ERVMER34-1: variants seen among roughly 807,000 people sequenced by gnomAD.
The protein encoded by ERVMER34-1 is endogenous retroviral envelope protein HEMO.
For synonymous variants in ERVMER34-1, 199 were observed against 111.7 expected (o/e 1.78, Z -4.93); for missense variants, 471 against 295.1 (o/e 1.60, Z -4.37).
Position 52,744,687 on chromosome 4 carries a change from G to A in ERVMER34-1, c.834C>T (p.Thr278=), listed in dbSNP as rs1560436488. The change falls in exon 3 of 3, where the codon ACC becomes ACT. Residue 278 remains threonine, a synonymous_variant. Coordinates refer to ENST00000443173, the MANE Select transcript of ERVMER34-1 (RefSeq NM_001242690.2). The part of the protein sequence containing the change: ...TNDKGHDGHR[T]PTWWLTGSNL... ...TGGAACCTGTGAGCCACCAGGTGGG[G>A]GTCCGGTGTCCATCATGACCTTTGT... 5.7e-6 allele frequency: 4 copies of A among 704,112 alleles called. No homozygotes were observed. The highest frequency in any genetic ancestry group is 3.0e-5 in the South Asian group (2 of 67,596). The allele number at this position is 704,112 out of a possible 1,614,324, so 43.6% of individuals were successfully genotyped here. A position where few individuals can be genotyped will look rare whatever the true frequency, so the allele number is the denominator to read the frequency against.
rs1716071617 is a variant in ERVMER34-1, at chr4:52,743,840, T to C, written c.1681A>G (p.Ser561Gly). 1.3e-6 allele frequency: 2 copies of C among 1,491,720 alleles called. No homozygotes were observed. The highest frequency in any genetic ancestry group is 2.8e-5 in the African/African-American group (2 of 70,982). The allele number at this position is 1,491,720 out of a possible 1,614,324, so 92.4% of individuals were successfully genotyped here. ...TTGTTCAGATATTCTCAAAGTAGACTTGTGTCATATTGATGGGTTGTTAGT... is the reference window on the plus strand; with the variant it reads ...TTGTTCAGATATTCTCAAAGTAGACCTGTGTCATATTGATGGGTTGTTAGT... ...KGLTTHQYDT[S>G]LL The change falls in exon 3 of 3, where the codon AGT becomes GGT. Residue 561 changes from serine to glycine, a missense_variant. Coordinates refer to ENST00000443173, the MANE Select transcript of ERVMER34-1 (RefSeq NM_001242690.2).
Position 52,745,525 on chromosome 4 carries a change from G to A in ERVMER34-1, c.-5C>T, listed in dbSNP as rs189371169. Reference sequence around the variant, plus strand: ...ATAGTTTGAAAGGGAGCCCATAGTGGAGGAACAGGCTAGATTAAAACAAGC... The same window carrying A: ...ATAGTTTGAAAGGGAGCCCATAGTGAAGGAACAGGCTAGATTAAAACAAGC... On this transcript the variant is annotated 5_prime_UTR_variant, in exon 3 of 3. Coordinates refer to ENST00000443173, the MANE Select transcript of ERVMER34-1 (RefSeq NM_001242690.2). 5.7e-6 allele frequency: 4 copies of A among 703,164 alleles called. No individual in the cohort carries two copies. In the Admixed American group the frequency reaches 8.0e-5, roughly 14 times the overall value. The allele number at this position is 703,164 out of a possible 1,614,324, so 43.6% of individuals were successfully genotyped here.
Position 52,743,793 on chromosome 4 carries a change from G to C in ERVMER34-1, c.*36C>G. The C allele has an allele frequency of 6.9e-7, 1 of 1,449,292 alleles. No homozygotes were observed. The highest frequency in any genetic ancestry group is 9.0e-7 in the Non-Finnish European group (1 of 1,107,044). The allele number at this position is 1,449,292 out of a possible 1,614,324, so 89.8% of individuals were successfully genotyped here. ...CTTTACTCATCAAAGTTTAGCTAAG[G>C]CTTTTTGTCTGCAGCTGCTGTTTGT... On this transcript the variant is annotated 3_prime_UTR_variant, in exon 3 of 3. Transcript: ENST00000443173.
At chr4:52,748,715 C>A (rs1181119183) in intron 2 of ERVMER34-1, among the ~76,000 whole-genome samples, 1 of 152,200 alleles carries the variant, frequency 6.6e-6, no homozygotes, top group African/African-American at 2.4e-5. Context: ...TTGAAATTAG[C>A]ATTAACCACC....
chr4:52,749,013 A>G lies in ERVMER34-1; in HGVS notation c.-424+1917T>C, dbSNP rs1378784390. Among the ~76,000 whole-genome samples the G allele has an allele frequency of 2.0e-5, 3 of 152,004 alleles. No individual in the cohort carries two copies. In the East Asian group the frequency reaches 5.8e-4, roughly 29 times the overall value. On this transcript the variant is annotated intron_variant, in intron 2 of 2. Transcript: ENST00000443173. The stretch of plus-strand genomic sequence containing the variant: ...TGGGACTACAGGCATGCACCACCAT[A>G]CCTGGCTTCCTTTTTTAAAAAAAAT...
rs1172097470 is a variant in ERVMER34-1, at chr4:52,744,288, T to G, written c.1233A>C (p.Ser411=). The G allele has an allele frequency of 1.4e-6, 1 of 704,172 alleles. No individual in the cohort carries two copies. Among genetic ancestry groups the G allele is most frequent in the Admixed American group, 2.0e-5 (1 of 50,022 alleles). The allele number at this position is 704,172 out of a possible 1,614,324, so 43.6% of individuals were successfully genotyped here. A position where few individuals can be genotyped will look rare whatever the true frequency, so the allele number is the denominator to read the frequency against. Residue 411 remains serine (S), a synonymous_variant, in exon 3 of 3, where the codon TCA becomes TCC. Coordinates refer to ENST00000443173, the MANE Select transcript of ERVMER34-1 (RefSeq NM_001242690.2). The stretch of plus-strand genomic sequence containing the variant: ...ATGCAGAGGCTAAACTGCTAACTTT[T>G]GATTGGTGTGCTTCCAAGGTCTGCT... ...ATKQTLEAHQ[S]KVSSLASASR... is the part of the protein sequence containing the mutation.
intron 2 of ERVMER34-1, among the ~76,000 whole-genome samples, chr4:52,747,531 C>T (rs1462768795): frequency 6.6e-6 from 1 of 152,186 alleles, no homozygotes; most frequent in Non-Finnish European, 1.5e-5. Context: ...CCCTGCCCTG[C>T]CTCTTCTTTC....
rs1716142494 is a variant in ERVMER34-1, at chr4:52,745,796, A to C, written c.-276T>G. The C allele has an allele frequency of 7.8e-5, 33 of 424,406 alleles. No homozygotes were observed. The highest frequency in any genetic ancestry group is 1.3e-4 in the East Asian group (3 of 23,890). The allele number at this position is 424,406 out of a possible 1,614,324, so 26.3% of individuals were successfully genotyped here. On this transcript the variant is annotated 5_prime_UTR_variant, in exon 3 of 3. The change creates a new upstream start codon in the 5' untranslated region. Coordinates refer to ENST00000443173, the MANE Select transcript of ERVMER34-1 (RefSeq NM_001242690.2). ...CTTCCAGTTGTCATATAATGATCTC[A>C]ATCTAGCTTCCTGTGGCTTGTACAA... is the stretch of plus-strand genomic sequence containing the variant.
In ERVMER34-1 at chr4:52,744,785, T is replaced by C. The variant is rs1454817097; in HGVS notation, c.736A>G (p.Asn246Asp). ...GTCAGGCCATAAGAGCAAAATAGGT[T>C]GCGAAATAGCTGGTACAGAAGGCCT... ...TKGLLYQLFR[N>D]LFCSYGLTEA... The change falls in exon 3 of 3, where the codon AAC becomes GAC. Residue 246 changes from asparagine to aspartate, a missense_variant. Physicochemically the swap from Asn to Asp is conservative, Grantham distance 23. Coordinates refer to ENST00000443173, the MANE Select transcript of ERVMER34-1 (RefSeq NM_001242690.2). 1.4e-6 allele frequency: 1 copy of C among 704,122 alleles called. No individual in the cohort carries two copies. Among genetic ancestry groups the C allele is most frequent in the Non-Finnish European group, 2.6e-6 (1 of 384,998 alleles). The allele number at this position is 704,122 out of a possible 1,614,324, so 43.6% of individuals were successfully genotyped here.
chr4:52,749,988 C>T (rs570016519), intron 2 of ERVMER34-1, among the ~76,000 whole-genome samples: 31 of 152,084 alleles, frequency 2.0e-4, no homozygotes, highest in Admixed American at 9.8e-4. Flanking sequence ...TGATTTGAGA[C>T]GGAATTCTTC....
Position 52,744,982 on chromosome 4 carries a change from C to A in ERVMER34-1, c.539G>T (p.Gly180Val), listed in dbSNP as rs1445043372. ...TGCAAACCAGGAACATTGTCTAGTG[C>A]CTAGGCAAACACTTGTATCATCATC... is the stretch of plus-strand genomic sequence containing the variant. The part of the protein sequence containing the change: ...NDDDDTSVCL[G>V]TRQCSWFAGC... The change falls in exon 3 of 3, where the codon GGC becomes GTC. Residue 180 changes from glycine (G) to valine (V), a missense_variant. By Grantham distance (109) the Gly-to-Val change is moderately radical. Coordinates refer to ENST00000443173, the MANE Select transcript of ERVMER34-1 (RefSeq NM_001242690.2). 1.4e-6 allele frequency: 1 copy of A among 704,106 alleles called. No individual in the cohort carries two copies. Among genetic ancestry groups the A allele is most frequent in the Non-Finnish European group, 2.6e-6 (1 of 385,006 alleles). 43.6% of individuals were successfully genotyped at this position (704,106 alleles called of 1,614,324 possible). A position where few individuals can be genotyped will look rare whatever the true frequency, so the allele number is the denominator to read the frequency against.
intron 2 of ERVMER34-1, among the ~76,000 whole-genome samples, chr4:52,746,479 T>G (rs898186997): frequency 1.3e-5 from 2 of 152,240 alleles, no homozygotes; most frequent in African/African-American, 2.4e-5. Context: ...TTAATGAATA[T>G]CCAAGAGTTT....
rs1318945799 is a variant in ERVMER34-1, at chr4:52,743,732, G to A, written c.*97C>T. 7 of 1,118,086 alleles carry A rather than the reference G, an allele frequency of 6.3e-6. No individual in the cohort carries two copies. In the East Asian group the frequency reaches 1.6e-4, roughly 25 times the overall value. The allele number at this position is 1,118,086 out of a possible 1,614,324, so 69.3% of individuals were successfully genotyped here. ...TGCCCTTATAAGAGGAACACTCAGA[G>A]GAGGGTTTTGGCAGCTGAATTCTCG... On this transcript the variant is annotated 3_prime_UTR_variant, in exon 3 of 3. Transcript: ENST00000443173.
intron 2 of ERVMER34-1, among the ~76,000 whole-genome samples, chr4:52,747,185 C>A (rs1000698995): frequency 6.6e-6 from 1 of 151,848 alleles, no homozygotes; most frequent in East Asian, 1.9e-4. Flanking sequence ...CCCAAGATCA[C>A]GCCACTGCAC....
intron 2 of ERVMER34-1, among the ~76,000 whole-genome samples, chr4:52,746,802 A>G (rs1308814058): frequency 6.6e-6 from 1 of 152,198 alleles, no homozygotes; most frequent in East Asian, 1.9e-4. Context: ...AAATAATTTG[A>G]TCAGAAATGC....
chr4:52,749,923 C>T (rs573905107), intron 2 of ERVMER34-1, among the ~76,000 whole-genome samples: 1 of 152,268 alleles, frequency 6.6e-6, no homozygotes, highest in African/African-American at 2.4e-5. Flanking sequence ...TAGGTATACC[C>T]TGGGACTCTG....
chr4:52,749,268 C>T (rs1577735360), intron 2 of ERVMER34-1, among the ~76,000 whole-genome samples: 1 of 152,262 alleles, frequency 6.6e-6, no homozygotes, highest in East Asian at 1.9e-4. Flanking sequence ...AGCCATTAAC[C>T]TTACAATAGG....
Position 52,745,027 on chromosome 4 carries a change from G to C in ERVMER34-1, c.494C>G (p.Thr165Arg). ...ATCATCATCGTTCCTGGATTCATTT[G>C]TAACATCTATAGAGGGCATGAAGGT... is the stretch of plus-strand genomic sequence containing the variant. The part of the protein sequence containing the change: ...DGTFMPSIDV[T>R]NESRNDDDDT... Residue 165 changes from threonine to arginine, a missense_variant, in exon 3 of 3, where the codon ACA becomes AGA. By Grantham distance (71) the Thr-to-Arg change is moderately conservative. Coordinates refer to ENST00000443173, the MANE Select transcript of ERVMER34-1 (RefSeq NM_001242690.2). 1.4e-6 allele frequency: 1 copy of C among 704,128 alleles called. No homozygotes were observed. The highest frequency in any genetic ancestry group is 1.5e-5 in the South Asian group (1 of 67,594). 43.6% of individuals were successfully genotyped at this position (704,128 alleles called of 1,614,324 possible).
In ERVMER34-1 at chr4:52,744,831, A is replaced by G; in HGVS notation, c.690T>C (p.Tyr230=). 1.4e-6 allele frequency: 1 copy of G among 704,128 alleles called. No individual in the cohort carries two copies. 43.6% of individuals were successfully genotyped at this position (704,128 alleles called of 1,614,324 possible). A position where few individuals can be genotyped will look rare whatever the true frequency, so the allele number is the denominator to read the frequency against. ...LTWSGNDTCL[Y]SCQNQTKGLL... ...GGCCTTTGGTTTGGTTTTGGCAGCT[A>G]TAGAGACAGGTGTCATTACCTGACC... Residue 230 remains tyrosine, a synonymous_variant, in exon 3 of 3, where the codon TAT becomes TAC. Transcript: ENST00000443173.
Sources: gnomAD v4.1 joint callset for allele counts (sites outside exome capture counted in the v4.1 genomes callset) on GRCh38, gnomAD v4.1.1 for gene constraint, MANE v1.5 for transcripts, NCBI Gene and HGNC (gene_info 2026-07-23, HGNC 2026-07-21) for gene names.